Variants in NCKAP5L observed in about 807,000 individuals in gnomAD.
The protein encoded by NCKAP5L is nck-associated protein 5-like.
Under a neutral mutation model 103.2 loss-of-function variants are expected in NCKAP5L, and 54 were observed. That is an observed-to-expected ratio of 0.52 (90% confidence interval 0.42 to 0.66). The LOEUF is 0.66. Ranked by LOEUF, NCKAP5L falls within the 30% of genes least tolerant of loss-of-function variation. The pLI is 0.00. For synonymous variants in NCKAP5L, 762 were observed against 748.6 expected, an observed-to-expected ratio of 1.02 and a Z score of -0.29; for missense variants, 1,733 against 1,750.6, an observed-to-expected ratio of 0.99 and a Z score of 0.18.
At position 49,798,397 on chromosome 12, in the gene NCKAP5L, C is replaced by A. The variant is rs755184602; in HGVS notation, c.418G>T (p.Gly140Ter). Residue 140 changes from glycine (G) to a stop codon, truncating the protein, a stop_gained, in exon 7 of 13, where the codon GGA (glycine) becomes TGA (stop). Transcript: ENST00000335999. LOFTEE classifies it high-confidence loss of function. ...CCCAGAGGCAGCGGGGCAGCCGGTC[C>A]CTCAGTGGAGCTCAGGGAGGGGGAG... is the stretch of plus-strand genomic sequence containing the variant. ...PASPSLSSTEGPAAPLPLGHC... is the reference protein window; with the variant it reads ...PASPSLSSTE 6.3e-7 allele frequency: 1 copy of A among 1,576,622 alleles called. No individual in the cohort carries two copies. Among genetic ancestry groups the A allele is most frequent in the African/African-American group, 1.3e-5 (1 of 74,374 alleles).
intron 1 of NCKAP5L, among the ~76,000 whole-genome samples, chr12:49,813,803 C>G (rs1946266991): frequency 6.6e-6 from 1 of 152,148 alleles, no homozygotes; most frequent in African/African-American, 2.4e-5. Context: ...GCTGGGATTA[C>G]AGGCATGAGA....
chr12:49,815,703 T>C (rs2137032735), intron 1 of NCKAP5L, among the ~76,000 whole-genome samples: 1 of 152,312 alleles, frequency 6.6e-6, no homozygotes, highest in East Asian at 1.9e-4. Flanking sequence ...TTGGCCAGGC[T>C]GGTTTCGAAC....
chr12:49,794,605 A>ACC lies in NCKAP5L; in HGVS notation c.3095+158_3095+159dup, dbSNP rs1555147580. 4.2e-3 allele frequency among the ~76,000 whole-genome samples: 488 copies of ACC among 116,024 alleles called. 9 individuals carry two copies. Among genetic ancestry groups the ACC allele is most frequent in the African/African-American group, 0.012 (305 of 25,210 alleles). The allele number at this position is 116,024 out of a possible 152,430, so 76.1% of individuals were successfully genotyped here. On this transcript the variant is annotated intron_variant, in intron 8 of 12. Transcript: ENST00000335999. ...ATCTTTCCTCCAGGCCAAGTCACTG[A>ACC]CCCCCCCACCAGCTGCTTTGGTGGC...
intron 6 of NCKAP5L, among the ~76,000 whole-genome samples, chr12:49,801,153 G>A (rs550968770): frequency 1.9e-4 from 29 of 152,266 alleles, no homozygotes; most frequent in African/African-American, 7.0e-4. Flanking sequence ...ACACAAACAC[G>A]CACACCCCCC....
intron 1 of NCKAP5L, among the ~76,000 whole-genome samples, chr12:49,813,448 G>A (rs750835080): frequency 2.0e-5 from 3 of 152,206 alleles, no homozygotes; most frequent in Admixed American, 6.5e-5. Context: ...CTTCCTTGGA[G>A]AAATGTTTTT....
At position 49,797,230 on chromosome 12, in the gene NCKAP5L, G is replaced by T. The variant is rs1194458988; in HGVS notation, c.630C>A (p.Thr210=). Residue 210 remains threonine, a synonymous_variant, in exon 8 of 13, where the codon ACC becomes ACA. Coordinates refer to ENST00000335999, the MANE Select transcript of NCKAP5L (RefSeq NM_001037806.4). The surrounding 1 kb of genome is among the most constrained non-coding windows in gnomAD (Gnocchi z 4.5). ...TDPLLLCSPA[T]PWRPPGQGPG... is the part of the protein sequence containing the mutation. ...GCCCCTGGCCTGGAGGCCGCCAGGG[G>T]GTGGCAGGTGAGCAGAGAAGCAAGG... 3.1e-6 allele frequency: 5 copies of T among 1,613,456 alleles called. No individual in the cohort carries two copies. Among genetic ancestry groups the T allele is most frequent in the Middle Eastern group, 1.7e-4 (1 of 6,052 alleles).
chr12:49,797,232 T>C lies in NCKAP5L; in HGVS notation c.628A>G (p.Thr210Ala). Residue 210 changes from threonine (T) to alanine (A), a missense_variant, in exon 8 of 13, where the codon ACC becomes GCC. Thr to Ala is a moderately conservative substitution (Grantham distance 58). Transcript: ENST00000335999. This position sits in a 1 kb window ranked among gnomAD's most constrained non-coding sequence, Gnocchi z 4.5. ...CCCTGGCCTGGAGGCCGCCAGGGGG[T>C]GGCAGGTGAGCAGAGAAGCAAGGGG... ...TDPLLLCSPA[T>A]PWRPPGQGPG... 6.2e-7 allele frequency: 1 copy of C among 1,612,832 alleles called. No homozygotes were observed. The highest frequency in any genetic ancestry group is 1.7e-4 in the Middle Eastern group (1 of 6,046).
intron 1 of NCKAP5L, among the ~76,000 whole-genome samples, chr12:49,828,078 C>CG (rs1165920116): frequency 1.4e-4 from 2 of 14,752 alleles, no homozygotes; most frequent in Non-Finnish European, 2.8e-4. Context: ...GAGGATGGCG[C>CG]GGGGGGCGGG....
Position 49,796,280 on chromosome 12 carries a change from T to C in NCKAP5L, c.1580A>G (p.Tyr527Cys). The change falls in exon 8 of 13, where the codon TAC (tyrosine) becomes TGC (cysteine). Residue 527 changes from tyrosine to cysteine, a missense_variant. By Grantham distance (194) the Tyr-to-Cys change is radical. Coordinates refer to ENST00000335999, the MANE Select transcript of NCKAP5L (RefSeq NM_001037806.4). Reference sequence around the variant, plus strand: ...GAGCTGTGTGGAGTCTGGGGTTGTGTAGCAGGGTGAAGGGCTGGTGGGCAG... The same window carrying C: ...GAGCTGTGTGGAGTCTGGGGTTGTGCAGCAGGGTGAAGGGCTGGTGGGCAG... The part of the protein sequence containing the change: ...QGLPTSPSPC[Y>C]TTPDSTQLRP... The C allele has an allele frequency of 6.4e-7, 1 of 1,551,308 alleles. No individual in the cohort carries two copies. The highest frequency in any genetic ancestry group is 1.4e-5 in the African/African-American group (1 of 73,370).
chr12:49,822,955 T>G (rs1946377121), intron 1 of NCKAP5L, among the ~76,000 whole-genome samples: 1 of 152,242 alleles, frequency 6.6e-6, no homozygotes, highest in Non-Finnish European at 1.5e-5. Context: ...CTCCCAGCTG[T>G]GGCATCCAAC....
chr12:49,795,802 C>T lies in NCKAP5L; in HGVS notation c.2058G>A (p.Val686=). The change falls in exon 8 of 13, where the codon GTG becomes GTA. Residue 686 remains valine (V), a synonymous_variant. Transcript: ENST00000335999. ...EGALGSEKNG[V]PARPGTEKTR... is the part of the protein sequence containing the mutation. ...TCTTTTCGGTGCCAGGCCTGGCTGGCACCCCATTCTTCTCTGAGCCCAGGG... is the reference window on the plus strand; with the variant it reads ...TCTTTTCGGTGCCAGGCCTGGCTGGTACCCCATTCTTCTCTGAGCCCAGGG... 1 of 1,574,132 alleles carries T rather than the reference C, an allele frequency of 6.4e-7. No individual in the cohort carries two copies. The highest frequency in any genetic ancestry group is 2.4e-5 in the East Asian group (1 of 42,240).
rs192872046 is a variant in NCKAP5L at position 49,802,047 on chromosome 12, G to A, written c.232-80C>T. ...TCACAGTGCTCTTCATCAGAGCAGC[G>A]GCATCTGTCTGGAGGCCCCAGGACC... is the stretch of plus-strand genomic sequence containing the variant. On this transcript the variant is annotated intron_variant, in intron 5 of 12. Coordinates refer to ENST00000335999, the MANE Select transcript of NCKAP5L (RefSeq NM_001037806.4). The A allele has an allele frequency of 5.1e-6, 8 of 1,559,270 alleles. No homozygotes were observed. The East Asian group carries it at 9.1e-5, about 18-fold the overall frequency.
rs756748279 is a variant in NCKAP5L at position 49,795,055 on chromosome 12, T to C, written c.2805A>G (p.Thr935=). 1.1e-5 allele frequency: 17 copies of C among 1,610,790 alleles called. No homozygotes were observed. In the East Asian group the frequency reaches 1.8e-4, roughly 17 times the overall value. Residue 935 remains threonine, a synonymous_variant, in exon 8 of 13, where the codon ACA becomes ACG. Coordinates refer to ENST00000335999, the MANE Select transcript of NCKAP5L (RefSeq NM_001037806.4). ...CCCCCTCCTTGTTCTTGGTGGCCTC[T>C]GTGCGGCGGTTCAGCGCTGGCAGCT... ...KSKLPALNRR[T]EATKNKEGAG...
intron 1 of NCKAP5L, among the ~76,000 whole-genome samples, chr12:49,825,843 C>T (rs1177147844): frequency 6.6e-6 from 1 of 152,210 alleles, no homozygotes; most frequent in Non-Finnish European, 1.5e-5. Flanking sequence ...TAACCACCAC[C>T]TCTCCTTCAA....
intron 6 of NCKAP5L, 113 bp downstream of exon 6, chr12:49,801,735 G>C: frequency 7.6e-7 from 1 of 1,322,786 alleles, no homozygotes; most frequent in Non-Finnish European, 1.0e-6. Context: ...AATGGAAGGT[G>C]GACAGCTGAT....
At position 49,795,809 on chromosome 12, in the gene NCKAP5L, T is replaced by C; in HGVS notation, c.2051A>G (p.Asn684Ser). ...GPEGALGSEK[N>S]GVPARPGTEK... is the part of the protein sequence containing the mutation. ...GGTGCCAGGCCTGGCTGGCACCCCA[T>C]TCTTCTCTGAGCCCAGGGCCCCCTC... The change falls in exon 8 of 13, where the codon AAT becomes AGT. Residue 684 changes from asparagine to serine, a missense_variant. Coordinates refer to ENST00000335999, the MANE Select transcript of NCKAP5L (RefSeq NM_001037806.4). 1 of 1,572,130 alleles carries C rather than the reference T, an allele frequency of 6.4e-7. No individual in the cohort carries two copies. Among genetic ancestry groups the C allele is most frequent in the Non-Finnish European group, 8.6e-7 (1 of 1,159,094 alleles).
chr12:49,823,429 C>G (rs550034367), intron 1 of NCKAP5L, among the ~76,000 whole-genome samples: 2 of 152,252 alleles, frequency 1.3e-5, no homozygotes, highest in Admixed American at 6.5e-5. Flanking sequence ...CAGAGCCACA[C>G]TACGGGAGTT....
At chr12:49,816,247 T>C (rs965875538) in intron 1 of NCKAP5L, among the ~76,000 whole-genome samples, 1 of 152,074 alleles carries the variant, frequency 6.6e-6, no homozygotes, top group African/African-American at 2.4e-5. Flanking sequence ...GTACCACTCC[T>C]ACCAACCAGA....
At chr12:49,793,595 C>T (rs1422799283) in intron 9 of NCKAP5L, 139 bp downstream of exon 9, 5 of 1,285,674 alleles carry the variant, frequency 3.9e-6, no homozygotes, top group Non-Finnish European at 5.3e-6. Flanking sequence ...AGCCCCTCTC[C>T]CCTCCCCAGT....
Sources: allele counts gnomAD v4.1 joint callset (sites outside exome capture counted in the v4.1 genomes callset), GRCh38; gene constraint gnomAD v4.1.1; non-coding constraint Gnocchi (gnomAD v3.1); transcripts MANE v1.5; gene names NCBI Gene and HGNC (gene_info 2026-07-23, HGNC 2026-07-21).